The following LRRC28 variants were observed in gnomAD, a reference collection of about 807,000 sequenced individuals.
LRRC28 encodes leucine-rich repeat-containing protein 28.
In LRRC28, 39 loss-of-function variants were observed where a neutral mutation model predicts 45.7. That is an observed-to-expected ratio of 0.85 (90% confidence interval 0.66 to 1.12). The LOEUF is 1.12. Among genes scored for constraint, LRRC28 ranks in the 50% most tolerant of loss-of-function variants. The pLI is 0.00. For synonymous variants in LRRC28, 206 were observed against 178.8 expected (o/e 1.15, Z -1.22); for missense variants, 435 against 438.5 (o/e 0.99, Z 0.07).
intron 2 of LRRC28, among the ~76,000 whole-genome samples, chr15:99,261,890 C>T (rs566707712): frequency 3.3e-5 from 5 of 152,032 alleles, no homozygotes; most frequent in South Asian, 2.1e-4. Context: ...CTCCTGACCT[C>T]GGGTGATCCA....
intron 2 of LRRC28, among the ~76,000 whole-genome samples, chr15:99,275,894 A>T (rs1047310286): frequency 1.3e-5 from 2 of 152,188 alleles, no homozygotes; most frequent in African/African-American, 4.8e-5. Flanking sequence ...CCTGTTAGGA[A>T]CGGGGCCGCA....
chr15:99,280,492 C>G (rs1218248030), intron 3 of LRRC28, among the ~76,000 whole-genome samples: 1 of 149,826 alleles, frequency 6.7e-6, no homozygotes, highest in African/African-American at 2.5e-5. Context: ...TCTTAGTGAC[C>G]ATTTTTTTTG....
At chr15:99,285,963 CCTT>C (rs2081947744) in intron 3 of LRRC28, among the ~76,000 whole-genome samples, 3 of 152,198 alleles carry the variant, frequency 2.0e-5, no homozygotes, top group South Asian at 2.1e-4. Context: ...GGTTAGTTAA[CCTT>C]CTACAAAATT....
At chr15:99,369,884 C>T (rs1482565890) in intron 9 of LRRC28, among the ~76,000 whole-genome samples, 4 of 152,170 alleles carry the variant, frequency 2.6e-5, no homozygotes, top group Admixed American at 6.5e-5. Context: ...ACGGGTAGTA[C>T]AGAGTGCATT....
At chr15:99,314,387 G>GT (rs1955518154) in intron 5 of LRRC28, among the ~76,000 whole-genome samples, 1 of 151,988 alleles carries the variant, frequency 6.6e-6, no homozygotes, top group South Asian at 2.1e-4. Flanking sequence ...GCAGTGAGCT[G>GT]TGATCACACA....
intron 1 of LRRC28, chr15:99,252,078 A>G (rs1432408337): frequency 6.6e-6 from 1 of 152,202 alleles, no homozygotes; most frequent in Non-Finnish European, 1.5e-5. Flanking sequence ...GTTTTTAATA[A>G]TAAGATAGAT....
intron 5 of LRRC28, among the ~76,000 whole-genome samples, chr15:99,304,163 T>C (rs1487578871): frequency 6.6e-6 from 1 of 152,208 alleles, no homozygotes. Flanking sequence ...TCTGGCTGCT[T>C]TTATGCTGCA....
intron 5 of LRRC28, among the ~76,000 whole-genome samples, chr15:99,290,131 T>C (rs1265505705): frequency 2.6e-5 from 4 of 151,322 alleles, no homozygotes; most frequent in South Asian, 2.1e-4. Context: ...GGTGGCATTG[T>C]GCCTATAGTT....
At chr15:99,366,902 C>G (rs2152330334) in intron 9 of LRRC28, among the ~76,000 whole-genome samples, 1 of 152,260 alleles carries the variant, frequency 6.6e-6, no homozygotes, top group East Asian at 1.9e-4. Context: ...ATGTTTTCTC[C>G]TGCTCTTACA....
At chr15:99,384,486 A>G (rs1289804247) in intron 9 of LRRC28, 1 of 152,232 alleles carries the variant, frequency 6.6e-6, no homozygotes, top group African/African-American at 2.4e-5. Flanking sequence ...TTGCAGCTTC[A>G]TAAAATAAGG....
chr15:99,276,471 C>A, intron 2 of LRRC28, 105 bp from the exon 3 acceptor site: 1 of 803,620 alleles, frequency 1.2e-6, no homozygotes, highest in Non-Finnish European at 1.9e-6. Context: ...CACATTTTCT[C>A]AAAATTTACA....
chr15:99,304,201 G>C (rs1426292372), intron 5 of LRRC28, among the ~76,000 whole-genome samples: 1 of 152,192 alleles, frequency 6.6e-6, no homozygotes, highest in Non-Finnish European at 1.5e-5. Context: ...TTGTGACAAT[G>C]ACCATATGGT....
At chr15:99,372,021 A>G (rs916494509) in intron 9 of LRRC28, among the ~76,000 whole-genome samples, 1 of 152,260 alleles carries the variant, frequency 6.6e-6, no homozygotes, top group Non-Finnish European at 1.5e-5. Flanking sequence ...TGCAACAAGC[A>G]GATACAATAT....
chr15:99,354,286 A>T (rs1956980697), intron 7 of LRRC28, among the ~76,000 whole-genome samples: 1 of 152,244 alleles, frequency 6.6e-6, no homozygotes, highest in African/African-American at 2.4e-5. Flanking sequence ...TTACAATAAT[A>T]CTTCTATGGC....
intron 6 of LRRC28, 145 bp from the exon 7 acceptor site, chr15:99,352,224 A>G (rs1956903504): frequency 1.6e-6 from 1 of 626,362 alleles, no homozygotes; most frequent in Non-Finnish European, 2.7e-6. Flanking sequence ...AGGCTGACCC[A>G]TAACTTACTT....
At chr15:99,365,391 G>T (rs981742176) in intron 9 of LRRC28, among the ~76,000 whole-genome samples, 1 of 152,192 alleles carries the variant, frequency 6.6e-6, no homozygotes, top group Non-Finnish European at 1.5e-5. Context: ...ATACAAACAT[G>T]GCTTTCTGTG....
Position 99,387,606 on chromosome 15 carries a change from A to G in LRRC28, c.*1504A>G, listed in dbSNP as rs1958064926. The G allele has an allele frequency of 6.6e-6, 1 of 152,136 alleles. No homozygotes were observed. The highest frequency in any genetic ancestry group is 2.4e-5 in the African/African-American group (1 of 41,418). The allele number at this position is 152,136 out of a possible 1,614,324, so 9.4% of individuals were successfully genotyped here. On this transcript the variant is annotated 3_prime_UTR_variant, in exon 10 of 10. Coordinates refer to ENST00000301981, the MANE Select transcript of LRRC28 (RefSeq NM_144598.5). ...AGAACTCTTCATGAAGAAGTCACGT[A>G]TTTGCTCTTCCTTTCAAAGGATGGC... is the stretch of plus-strand genomic sequence containing the variant.
chr15:99,318,370 TTG>T (rs1228102194), intron 5 of LRRC28, among the ~76,000 whole-genome samples: 1 of 152,104 alleles, frequency 6.6e-6, no homozygotes, highest in Non-Finnish European at 1.5e-5. Flanking sequence ...CTTACAATTG[TTG>T]TGTTTCTTGT....
chr15:99,373,094 A>G (rs1957529942), intron 9 of LRRC28, among the ~76,000 whole-genome samples: 1 of 152,212 alleles, frequency 6.6e-6, no homozygotes, highest in African/African-American at 2.4e-5. Flanking sequence ...TTACAATTCA[A>G]GATGATATTT....
Sources: gnomAD v4.1 joint callset for allele counts (sites outside exome capture counted in the v4.1 genomes callset) on GRCh38, gnomAD v4.1.1 for gene constraint, MANE v1.5 for transcripts, NCBI Gene and HGNC (gene_info 2026-07-23, HGNC 2026-07-21) for gene names.